Variants in ASIC2 observed in about 807,000 individuals in gnomAD.
ASIC2 encodes the protein acid-sensing ion channel 2.
A neutral mutation model predicts 57.3 loss-of-function variants in ASIC2; 25 were observed. The observed-to-expected ratio is 0.44, with a 90% confidence interval of 0.32 to 0.61. ASIC2 has a LOEUF of 0.61. Ranked by LOEUF, ASIC2 falls within the 20% of genes least tolerant of loss-of-function variation. ASIC2 has a pLI of 0.06. For missense variants in ASIC2, 641 were observed against 738.1 expected, an observed-to-expected ratio of 0.87 and a Z score of 1.52; for synonymous variants, 319 against 307.5, an observed-to-expected ratio of 1.04 and a Z score of -0.39.
chr17:34,014,732 T>C (rs905736202), intron 1 of ASIC2, among the ~76,000 whole-genome samples: 1 of 152,156 alleles, frequency 6.6e-6, no homozygotes, highest in African/African-American at 2.4e-5. Flanking sequence ...TGCTTCCTTA[T>C]CTCTGAAATG....
intron 1 of ASIC2, among the ~76,000 whole-genome samples, chr17:33,745,017 A>C (rs781730432): frequency 1.3e-5 from 2 of 152,252 alleles, no homozygotes; most frequent in Non-Finnish European, 2.9e-5. Flanking sequence ...AACAGAGAGA[A>C]AATAAAATAA....
intron 1 of ASIC2, among the ~76,000 whole-genome samples, chr17:33,646,960 T>C (rs1424813045): frequency 6.6e-6 from 1 of 151,988 alleles, no homozygotes; most frequent in Non-Finnish European, 1.5e-5. Flanking sequence ...AGGCTCCTTG[T>C]GAACATATTT....
chr17:33,785,016 C>T (rs145210032), intron 1 of ASIC2, among the ~76,000 whole-genome samples: 1 of 152,124 alleles, frequency 6.6e-6, no homozygotes, highest in African/African-American at 2.4e-5. Context: ...CACATTCCCC[C>T]AAAAATTCCT....
At chr17:33,740,255 AG>A (rs1242225293) in intron 1 of ASIC2, among the ~76,000 whole-genome samples, 2 of 152,260 alleles carry the variant, frequency 1.3e-5, no homozygotes, top group African/African-American at 4.8e-5. Context: ...GCTATGTATT[AG>A]TGCGTTCTCA....
intron 1 of ASIC2, among the ~76,000 whole-genome samples, chr17:33,182,568 G>A (rs567982389): frequency 6.6e-6 from 1 of 152,196 alleles, no homozygotes; most frequent in African/African-American, 2.4e-5. Flanking sequence ...ATTTTGATTT[G>A]TTCTTTTTTA....
intron 1 of ASIC2, among the ~76,000 whole-genome samples, chr17:33,650,842 GA>G (rs1906895439): frequency 1.3e-5 from 2 of 152,284 alleles, no homozygotes; most frequent in East Asian, 3.9e-4. Flanking sequence ...GGAGTGGAAG[GA>G]AAGGGGCTGT....
intron 1 of ASIC2, among the ~76,000 whole-genome samples, chr17:33,541,709 A>C (rs1394350611): frequency 6.6e-6 from 1 of 152,088 alleles, no homozygotes; most frequent in African/African-American, 2.4e-5. Flanking sequence ...ACCTTCATGC[A>C]TTTACCTACT....
chr17:33,414,715 G>T (rs1910778587), intron 1 of ASIC2, among the ~76,000 whole-genome samples: 2 of 152,196 alleles, frequency 1.3e-5, no homozygotes, highest in African/African-American at 4.8e-5. Flanking sequence ...CACTGAGAAT[G>T]CTGAACACGT....
Position 33,617,458 on chromosome 17 carries a change from T to G in ASIC2, c.556-505391A>C, listed in dbSNP as rs370578507. Among the ~76,000 whole-genome samples, 6 of 152,146 alleles carry G rather than the reference T, an allele frequency of 3.9e-5. No homozygotes were observed. The East Asian group carries it at 1.2e-3, about 29-fold the overall frequency. On this transcript the variant is annotated intron_variant, in intron 1 of 9. Transcript: ENST00000359872. ...GTGGGGGCTAAACACTGAGAACACA[T>G]GGACACAAAGAAAGGAACAACAAAC...
At chr17:33,194,231 AG>A (rs907772542) in intron 1 of ASIC2, among the ~76,000 whole-genome samples, 1 of 152,212 alleles carries the variant, frequency 6.6e-6, no homozygotes, top group African/African-American at 2.4e-5. Flanking sequence ...CACGCTAAAA[AG>A]CTCCTTGTTT....
chr17:33,036,439 G>A (rs1043864760), intron 3 of ASIC2, among the ~76,000 whole-genome samples: 1 of 152,026 alleles, frequency 6.6e-6, no homozygotes, highest in Non-Finnish European at 1.5e-5. Context: ...TATTTAATTA[G>A]TTAGTTTTAG....
At chr17:33,838,875 G>A (rs746375920) in intron 1 of ASIC2, among the ~76,000 whole-genome samples, 1 of 152,134 alleles carries the variant, frequency 6.6e-6, no homozygotes, top group African/African-American at 2.4e-5. Context: ...CCCAAGAGTA[G>A]CCAGAGTTGA....
intron 1 of ASIC2, among the ~76,000 whole-genome samples, chr17:33,400,565 A>G (rs1309163792): frequency 6.6e-6 from 1 of 152,136 alleles, no homozygotes; most frequent in African/African-American, 2.4e-5. Flanking sequence ...TGAGCCAGAA[A>G]TCTCTCTTTT....
At chr17:33,175,851 C>T (rs1020543251) in intron 1 of ASIC2, among the ~76,000 whole-genome samples, 1 of 152,148 alleles carries the variant, frequency 6.6e-6, no homozygotes, top group African/African-American at 2.4e-5. Context: ...ACCTTGCGGC[C>T]AAGATCAACC....
chr17:33,181,864 A>C (rs1905996621), intron 1 of ASIC2, among the ~76,000 whole-genome samples: 1 of 152,214 alleles, frequency 6.6e-6, no homozygotes, highest in Non-Finnish European at 1.5e-5. Flanking sequence ...AGCCTGCTTG[A>C]CGAAGGGCAA....
chr17:33,376,703 C>T (rs1488461098), intron 1 of ASIC2, among the ~76,000 whole-genome samples: 2 of 152,190 alleles, frequency 1.3e-5, no homozygotes, highest in Admixed American at 6.5e-5. Flanking sequence ...ACTACCCTTC[C>T]TCTATAAGCA....
chr17:33,171,546 G>A (rs559725138), intron 1 of ASIC2, among the ~76,000 whole-genome samples: 10 of 152,236 alleles, frequency 6.6e-5, no homozygotes, highest in African/African-American at 2.2e-4. Flanking sequence ...CATCACCATT[G>A]TTATCATGTC....
chr17:33,173,704 G>A (rs1438048317), intron 1 of ASIC2, among the ~76,000 whole-genome samples: 1 of 152,164 alleles, frequency 6.6e-6, no homozygotes, highest in Non-Finnish European at 1.5e-5. Context: ...GTGAGATCTT[G>A]GGTAAGTGTC....
intron 1 of ASIC2, among the ~76,000 whole-genome samples, chr17:33,592,927 A>G (rs974919601): frequency 2.0e-5 from 3 of 152,194 alleles, no homozygotes; most frequent in African/African-American, 7.2e-5. Flanking sequence ...TGTTCTCATT[A>G]TCTGTAGCAG....
Sources: allele counts gnomAD v4.1 joint callset (sites outside exome capture counted in the v4.1 genomes callset), GRCh38; gene constraint gnomAD v4.1.1; transcripts MANE v1.5; gene names NCBI Gene and HGNC (gene_info 2026-07-23, HGNC 2026-07-21).